The following ITGA9 variants were observed in gnomAD, a reference collection of about 807,000 sequenced individuals.
ITGA9 encodes integrin alpha-9.
ITGA9 carries 56 observed loss-of-function variants against 127.8 expected under a neutral mutation model. That is an observed-to-expected ratio of 0.44 (90% CI 0.35 to 0.55). The LOEUF is 0.55. ITGA9 is among the 20% of genes least tolerant of loss of function. The pLI is 0.00. For synonymous variants in ITGA9, 508 were observed against 514.5 expected, an observed-to-expected ratio of 0.99 and a Z score of 0.17; for missense variants, 1,196 against 1,347.1, an observed-to-expected ratio of 0.89 and a Z score of 1.76.
At chr3:37,489,325 G>A (rs1368670158) in intron 4 of ITGA9, among the ~76,000 whole-genome samples, 4 of 152,210 alleles carry the variant, frequency 2.6e-5, no homozygotes, top group African/African-American at 9.7e-5. Context: ...TCAGAAGTTG[G>A]GAGCCTTGCT....
In ITGA9 at chr3:37,523,584, A is replaced by G; in HGVS notation, c.1300A>G (p.Ile434Val). 3 of 1,613,484 alleles carry G rather than the reference A, an allele frequency of 1.9e-6. No individual in the cohort carries two copies. In the South Asian group the frequency reaches 3.3e-5, roughly 18 times the overall value. ...RMFGQSISGG[I>V]DMDGNGYPDV... ...GTTTGGTCAGTCCATATCGGGAGGC[A>G]TTGATATGGATGGAAATGGCTATCC... Residue 434 changes from isoleucine to valine, a missense_variant, in exon 12 of 28, where the codon ATT (isoleucine) becomes GTT (valine). Physicochemically the swap from Ile to Val is conservative, Grantham distance 29. Transcript: ENST00000264741.
intron 16 of ITGA9, among the ~76,000 whole-genome samples, chr3:37,632,530 G>T (rs531102288): frequency 1.3e-5 from 2 of 152,226 alleles, no homozygotes; most frequent in African/African-American, 4.8e-5. Flanking sequence ...AAAGAAGGGG[G>T]AGAAAATTAT....
intron 8 of ITGA9, among the ~76,000 whole-genome samples, chr3:37,511,927 T>C (rs774154809): frequency 1.3e-5 from 2 of 152,138 alleles, no homozygotes; most frequent in Non-Finnish European, 2.9e-5. Context: ...GGCCTTTTAT[T>C]AGAAAACATT....
At chr3:37,583,915 T>G (rs1400060509) in intron 15 of ITGA9, among the ~76,000 whole-genome samples, 1 of 152,224 alleles carries the variant, frequency 6.6e-6, no homozygotes, top group African/African-American at 2.4e-5. Context: ...TCTCTTTCCC[T>G]TCTGGACACT....
chr3:37,527,027 G>C (rs1454504906), intron 13 of ITGA9, among the ~76,000 whole-genome samples: 1 of 152,202 alleles, frequency 6.6e-6, no homozygotes, highest in Non-Finnish European at 1.5e-5. Flanking sequence ...GTGAACTCAG[G>C]GGCCAGGTGG....
intron 9 of ITGA9, among the ~76,000 whole-genome samples, chr3:37,515,764 G>A (rs542227369): frequency 6.6e-6 from 1 of 152,128 alleles, no homozygotes; most frequent in African/African-American, 2.4e-5. Flanking sequence ...AACAAGCAAG[G>A]TGCAGTGGTG....
intron 17 of ITGA9, among the ~76,000 whole-genome samples, chr3:37,668,579 G>T (rs1199478255): frequency 1.3e-5 from 2 of 152,190 alleles, no homozygotes; most frequent in Admixed American, 6.5e-5. Flanking sequence ...GGCTGTGTGT[G>T]TTGGTCCCTT....
Position 37,523,573 on chromosome 3 carries a change from T to C in ITGA9, c.1289T>C (p.Ile430Thr), listed in dbSNP as rs562681685. The change falls in exon 12 of 28, where the codon ATA becomes ACA. Residue 430 changes from isoleucine to threonine, a missense_variant. Physicochemically the swap from Ile to Thr is moderately conservative, Grantham distance 89. Coordinates refer to ENST00000264741, the MANE Select transcript of ITGA9 (RefSeq NM_002207.3). ...GTGCTCCGGATGTTTGGTCAGTCCA[T>C]ATCGGGAGGCATTGATATGGATGGA... ...NPVLRMFGQS[I>T]SGGIDMDGNG... 6.2e-7 allele frequency: 1 copy of C among 1,614,050 alleles called. No individual in the cohort carries two copies. Among genetic ancestry groups the C allele is most frequent in the South Asian group, 1.1e-5 (1 of 91,074 alleles).
intron 25 of ITGA9, among the ~76,000 whole-genome samples, chr3:37,783,892 T>C (rs1364247214): frequency 1.3e-5 from 2 of 152,242 alleles, no homozygotes; most frequent in Non-Finnish European, 2.9e-5. Flanking sequence ...CCAGGGTCCC[T>C]GTGTGCCCCA....
chr3:37,547,057 T>G (rs887307090), intron 15 of ITGA9, among the ~76,000 whole-genome samples: 7 of 152,124 alleles, frequency 4.6e-5, no homozygotes, highest in Non-Finnish European at 2.9e-5. Flanking sequence ...CCAGGCAGAG[T>G]GCAGGGGCAG....
chr3:37,752,807 T>G (rs1696604420), intron 23 of ITGA9, among the ~76,000 whole-genome samples: 1 of 152,238 alleles, frequency 6.6e-6, no homozygotes, highest in Non-Finnish European at 1.5e-5. Context: ...AAGCATTTCT[T>G]GAGGTCCAGC....
At chr3:37,519,671 C>T (rs953974820) in intron 11 of ITGA9, among the ~76,000 whole-genome samples, 2 of 152,156 alleles carry the variant, frequency 1.3e-5, no homozygotes, top group Non-Finnish European at 2.9e-5. Context: ...ACTTTGTCAA[C>T]CGTCTATGCT....
chr3:37,529,212 T>G (rs1279662642), intron 13 of ITGA9, among the ~76,000 whole-genome samples: 2 of 152,216 alleles, frequency 1.3e-5, no homozygotes, highest in Non-Finnish European at 2.9e-5. Flanking sequence ...GGGGCTGTTA[T>G]CCCCATTTTA....
chr3:37,472,395 TTTTG>T (rs923351711), intron 2 of ITGA9, among the ~76,000 whole-genome samples: 13 of 152,164 alleles, frequency 8.5e-5, no homozygotes, highest in Admixed American at 2.0e-4. Flanking sequence ...TTTTGTTGTT[TTTTG>T]TTTGTTTGTT....
chr3:37,589,539 G>A (rs1699792962), intron 15 of ITGA9, among the ~76,000 whole-genome samples: 2 of 152,204 alleles, frequency 1.3e-5, no homozygotes, highest in Admixed American at 6.5e-5. Context: ...AGGGAAAGGG[G>A]TTTGGTTGAC....
intron 15 of ITGA9, among the ~76,000 whole-genome samples, chr3:37,606,087 G>T (rs542746756): frequency 6.6e-6 from 1 of 152,196 alleles, no homozygotes; most frequent in African/African-American, 2.4e-5. Context: ...CTTGCACCCT[G>T]TACCACAACA....
At chr3:37,572,317 T>A (rs1242466414) in intron 15 of ITGA9, among the ~76,000 whole-genome samples, 1 of 152,176 alleles carries the variant, frequency 6.6e-6, no homozygotes, top group East Asian at 1.9e-4. Context: ...AGATAGGAAA[T>A]GAACTGAATG....
chr3:37,629,418 C>G lies in ITGA9; in HGVS notation c.1839+82C>G, dbSNP rs763953766. 5.2e-6 allele frequency: 8 copies of G among 1,524,052 alleles called. No homozygotes were observed. The highest frequency in any genetic ancestry group is 1.9e-5 in the Admixed American group (1 of 53,978). The allele number at this position is 1,524,052 out of a possible 1,614,324, so 94.4% of individuals were successfully genotyped here. A position where few individuals can be genotyped will look rare whatever the true frequency, so the allele number is the denominator to read the frequency against. On this transcript the variant is annotated intron_variant, in intron 16 of 27. Coordinates refer to ENST00000264741, the MANE Select transcript of ITGA9 (RefSeq NM_002207.3). The surrounding 1 kb of genome is among the most constrained non-coding windows in gnomAD (Gnocchi z 4.5). ...ATAATGGCCCAAAAGTTGAGAGAGC[C>G]GTGGGCCTGGCTGCTCAGGAGACCG...
intron 23 of ITGA9, among the ~76,000 whole-genome samples, chr3:37,759,911 A>C (rs890372092): frequency 6.7e-6 from 1 of 149,708 alleles, no homozygotes; most frequent in Non-Finnish European, 1.5e-5. Context: ...CTCAAAAAAA[A>C]AACAACAAAT....
Sources: gnomAD v4.1 joint callset for allele counts (sites outside exome capture counted in the v4.1 genomes callset) on GRCh38, gnomAD v4.1.1 for gene constraint, Gnocchi (gnomAD v3.1) non-coding constraint, MANE v1.5 for transcripts, NCBI Gene and HGNC (gene_info 2026-07-23, HGNC 2026-07-21) for gene names.